Variants in ATRNL1 observed in about 807,000 individuals in gnomAD.
ATRNL1 encodes the protein attractin like 1.
A neutral mutation model predicts 182.7 loss-of-function variants in ATRNL1; 95 were observed. The observed-to-expected ratio is 0.52, with a 90% CI of 0.44 to 0.62. ATRNL1 has a LOEUF of 0.62. Ranked by LOEUF, ATRNL1 falls within the 20% of genes least tolerant of loss-of-function variation. The pLI, the probability that ATRNL1 is intolerant of heterozygous loss-of-function variation, is 0.00. For synonymous variants in ATRNL1, 576 were observed against 568.3 expected (o/e 1.01, Z -0.19); for missense variants, 1,471 against 1,679.5 (o/e 0.88, Z 2.17).
intron 15 of ATRNL1, among the ~76,000 whole-genome samples, chr10:115,298,453 T>A (rs2133970412): frequency 6.6e-6 from 1 of 152,220 alleles, no homozygotes; most frequent in South Asian, 2.1e-4. Context: ...TCACGATGAG[T>A]TAGGGAGTAA....
At position 115,533,228 on chromosome 10, in the gene ATRNL1, G is replaced by A. The variant is rs1172703050; in HGVS notation, c.3716+13904G>A. ...TAGAATTCGGCTGTGAATCCATCTGGTCCTGGACTCTTTTTGGTTGGTAAG... is the reference window on the plus strand; with the variant it reads ...TAGAATTCGGCTGTGAATCCATCTGATCCTGGACTCTTTTTGGTTGGTAAG... On this transcript the variant is annotated intron_variant, in intron 25 of 28. Coordinates refer to ENST00000355044, the MANE Select transcript of ATRNL1 (RefSeq NM_207303.4). Among the ~76,000 whole-genome samples, 8 of 151,740 alleles carry A rather than the reference G, an allele frequency of 5.3e-5. 1 individual carries two copies. The highest frequency in any genetic ancestry group is 1.9e-4 in the African/African-American group (8 of 41,414).
intron 28 of ATRNL1, among the ~76,000 whole-genome samples, chr10:115,931,664 A>G (rs1953398322): frequency 2.6e-5 from 4 of 152,240 alleles, no homozygotes; most frequent in African/African-American, 9.6e-5. Flanking sequence ...GTAAGTAGAC[A>G]GCATCCAAAG....
At chr10:115,518,696 C>A (rs1554984443) in intron 24 of ATRNL1, among the ~76,000 whole-genome samples, 4 of 151,884 alleles carry the variant, frequency 2.6e-5, no homozygotes, top group African/African-American at 7.2e-5. Flanking sequence ...GATTGATATA[C>A]TATAATACAC....
intron 8 of ATRNL1, among the ~76,000 whole-genome samples, chr10:115,212,699 G>A (rs1409116788): frequency 6.6e-6 from 1 of 152,036 alleles, no homozygotes; most frequent in Non-Finnish European, 1.5e-5. Flanking sequence ...CTTTTGCAGG[G>A]ACATGGTTGG....
At chr10:115,377,415 ATTC>A (rs1554949839) in intron 19 of ATRNL1, among the ~76,000 whole-genome samples, 1 of 152,142 alleles carries the variant, frequency 6.6e-6, no homozygotes, top group East Asian at 1.9e-4. Flanking sequence ...CATTAAACCT[ATTC>A]TTCTTCGCAG....
intron 7 of ATRNL1, among the ~76,000 whole-genome samples, chr10:115,169,692 G>C (rs1271355905): frequency 1.1e-4 from 16 of 152,078 alleles, no homozygotes; most frequent in Admixed American, 1.0e-3. Context: ...TGAATCTGTA[G>C]ATCAATTTGG....
At chr10:115,565,947 G>A (rs537181517) in intron 26 of ATRNL1, among the ~76,000 whole-genome samples, 1 of 152,170 alleles carries the variant, frequency 6.6e-6, no homozygotes, top group Non-Finnish European at 1.5e-5. Flanking sequence ...GAGTAAAAGT[G>A]TTAGCTTCTT....
chr10:115,368,148 C>A (rs1190824831), intron 19 of ATRNL1, among the ~76,000 whole-genome samples: 2 of 152,232 alleles, frequency 1.3e-5, no homozygotes, highest in African/African-American at 4.8e-5. Flanking sequence ...ACAGTTTGAT[C>A]TCAGACTGCT....
chr10:115,334,151 T>TA, intron 18 of ATRNL1, 131 bp from the exon 19 acceptor site: 1 of 524,996 alleles, frequency 1.9e-6, no homozygotes, highest in Non-Finnish European at 3.1e-6. Context: ...TATTAATTTT[T>TA]AAACAAAACT....
At chr10:115,367,739 A>G (rs1857133664) in intron 19 of ATRNL1, among the ~76,000 whole-genome samples, 1 of 123,800 alleles carries the variant, frequency 8.1e-6, no homozygotes, top group Non-Finnish European at 1.9e-5. Flanking sequence ...CTTCTAACAG[A>G]CAGGACCCTC....
intron 28 of ATRNL1, among the ~76,000 whole-genome samples, chr10:115,861,263 A>AT (rs1951309625): frequency 6.6e-6 from 1 of 152,046 alleles, no homozygotes; most frequent in South Asian, 2.1e-4. Context: ...CTATTATAAA[A>AT]TTTTTCTTAC....
intron 27 of ATRNL1, among the ~76,000 whole-genome samples, chr10:115,762,132 A>G (rs1555073775): frequency 6.6e-6 from 1 of 152,200 alleles, no homozygotes; most frequent in African/African-American, 2.4e-5. Flanking sequence ...TCTGGGGAAT[A>G]TGAGAAGTAG....
intron 26 of ATRNL1, among the ~76,000 whole-genome samples, chr10:115,691,254 T>A (rs1555048098): frequency 6.6e-6 from 1 of 152,138 alleles, no homozygotes; most frequent in African/African-American, 2.4e-5. Context: ...TGTACAAGGG[T>A]TCCATTTTCT....
chr10:115,247,351 TA>T (rs1405931366), intron 10 of ATRNL1, among the ~76,000 whole-genome samples: 1 of 152,114 alleles, frequency 6.6e-6, no homozygotes, highest in Non-Finnish European at 1.5e-5. Flanking sequence ...TGCAAATGTT[TA>T]ACAAAAATAG....
At chr10:115,826,514 G>C (rs1355230739) in intron 27 of ATRNL1, among the ~76,000 whole-genome samples, 1 of 152,120 alleles carries the variant, frequency 6.6e-6, no homozygotes, top group East Asian at 1.9e-4. Context: ...CAATGTTACA[G>C]CCCTTTTACT....
chr10:115,675,548 G>A (rs1165978916), intron 26 of ATRNL1, among the ~76,000 whole-genome samples: 1 of 152,108 alleles, frequency 6.6e-6, no homozygotes, highest in African/African-American at 2.4e-5. Flanking sequence ...GAAATACATT[G>A]TAATGAAGTT....
chr10:115,127,041 T>C lies in ATRNL1; in HGVS notation c.492-552T>C, dbSNP rs140569530. ...TGCAATTTGCATAGATATGCAAAAT[T>C]AGAAAAACATTAAAGTCTATATAGT... On this transcript the variant is annotated intron_variant, in intron 3 of 28. Transcript: ENST00000355044. Among the ~76,000 whole-genome samples the C allele has an allele frequency of 5.0e-3, 766 of 152,278 alleles. 10 individuals carry two copies. The highest frequency in any genetic ancestry group is 4.7e-3 in the Non-Finnish European group (322 of 68,000).
chr10:115,494,799 T>G (rs1447732541), intron 24 of ATRNL1, among the ~76,000 whole-genome samples: 3 of 152,306 alleles, frequency 2.0e-5, no homozygotes, highest in Non-Finnish European at 2.9e-5. Context: ...GCCTGAAGTT[T>G]CCTTTTTTCA....
At chr10:115,772,067 G>A (rs1949007462) in intron 27 of ATRNL1, among the ~76,000 whole-genome samples, 1 of 152,204 alleles carries the variant, frequency 6.6e-6, no homozygotes, top group Non-Finnish European at 1.5e-5. Context: ...AGAAATGAAA[G>A]CTGCTCCTTT....
Sources: gnomAD v4.1 joint callset for allele counts (sites outside exome capture counted in the v4.1 genomes callset) on GRCh38, gnomAD v4.1.1 for gene constraint, MANE v1.5 for transcripts, NCBI Gene and HGNC (gene_info 2026-07-23, HGNC 2026-07-21) for gene names.